Variants in CIRSR observed in about 807,000 individuals in gnomAD.
CIRSR encodes corepressor of RBPJ and splicing regulator, also known as CBF1 (RBPJ) interacting corepressor 1.
the CIRSR span, among the ~76,000 whole-genome samples, chr2:174,369,544 T>C: frequency 6.6e-6 from 1 of 152,252 alleles, no homozygotes; most frequent in South Asian, 2.1e-4. Context: ...TTTCTACCTA[T>C]CTCGGCTTTC....
chr2:174,349,160 T>G, the CIRSR span: 3 of 1,447,692 alleles, frequency 2.1e-6, no homozygotes, highest in Non-Finnish European at 2.7e-6. Flanking sequence ...TCTTCTCCAG[T>G]CGATCTAATT....
chr2:174,386,628 GT>G, the CIRSR span, among the ~76,000 whole-genome samples: 1 of 152,166 alleles, frequency 6.6e-6, no homozygotes, highest in Non-Finnish European at 1.5e-5. Flanking sequence ...GTCCGCAGTT[GT>G]GACAATCAAA....
chr2:174,384,633 C>T, the CIRSR span, among the ~76,000 whole-genome samples: 1 of 151,480 alleles, frequency 6.6e-6, no homozygotes, highest in Non-Finnish European at 1.5e-5. Flanking sequence ...CTATGTTGCC[C>T]ATGCTGGTCT....
chr2:174,374,765 C>T, the CIRSR span, among the ~76,000 whole-genome samples: 1 of 152,178 alleles, frequency 6.6e-6, no homozygotes, highest in Admixed American at 6.5e-5. Context: ...TTCCTCTATA[C>T]GAAAGGTTAT....
chr2:174,395,627 G>T, the CIRSR span: 142,970 of 1,613,996 alleles, frequency 0.089, 8,807 homozygotes, highest in Admixed American at 0.3. Context: ...CCCCATCTTG[G>T]AACTGGAACT....
chr2:174,372,593 T>G, the CIRSR span, among the ~76,000 whole-genome samples: 1 of 152,076 alleles, frequency 6.6e-6, no homozygotes, highest in African/African-American at 2.4e-5. Flanking sequence ...GATATCTAGG[T>G]GTTCTTTCTC....
chr2:174,355,569 A>G, the CIRSR span, among the ~76,000 whole-genome samples: 906 of 152,330 alleles, frequency 5.9e-3, 9 homozygotes, highest in Non-Finnish European at 9.2e-3. Context: ...CCAATTGTGT[A>G]CAGTTCCATG....
chr2:174,385,215 CAA>C, the CIRSR span, among the ~76,000 whole-genome samples: 193 of 94,104 alleles, frequency 2.1e-3, no homozygotes, highest in Middle Eastern at 6.4e-3. Flanking sequence ...ACCTTCCTCT[CAA>C]AAAAAAAAAA....
the CIRSR span, among the ~76,000 whole-genome samples, chr2:174,375,069 G>A: frequency 6.6e-6 from 1 of 152,164 alleles, no homozygotes; most frequent in Non-Finnish European, 1.5e-5. Context: ...CACAGAAAAA[G>A]TGCTCCATAA....
chr2:174,392,230 C>T, the CIRSR span, among the ~76,000 whole-genome samples: 1 of 152,244 alleles, frequency 6.6e-6, no homozygotes, highest in Non-Finnish European at 1.5e-5. Flanking sequence ...TTCCTGACCT[C>T]GGGTGATCCA....
the CIRSR span, among the ~76,000 whole-genome samples, chr2:174,368,245 C>T: frequency 1.3e-5 from 2 of 151,078 alleles, no homozygotes; most frequent in African/African-American, 4.8e-5. Context: ...TAATAGAATA[C>T]TTCCTCTAAC....
At chr2:174,355,217 C>T in the CIRSR span, among the ~76,000 whole-genome samples, 10 of 152,060 alleles carry the variant, frequency 6.6e-5, no homozygotes, top group African/African-American at 1.7e-4. Flanking sequence ...ATTACAGATA[C>T]GTTGATAAAA....
At chr2:174,376,513 G>A in the CIRSR span, among the ~76,000 whole-genome samples, 4 of 152,036 alleles carry the variant, frequency 2.6e-5, no homozygotes, top group Non-Finnish European at 5.9e-5. Flanking sequence ...TGGAGGGCTG[G>A]AGGGCCGGGC....
At chr2:174,383,147 AG>A in the CIRSR span, among the ~76,000 whole-genome samples, 1 of 152,230 alleles carries the variant, frequency 6.6e-6, no homozygotes, top group East Asian at 1.9e-4. Flanking sequence ...CAGTCACAAA[AG>A]ACCACATGAC....
At chr2:174,371,531 G>A in the CIRSR span, among the ~76,000 whole-genome samples, 1 of 152,120 alleles carries the variant, frequency 6.6e-6, no homozygotes, top group Non-Finnish European at 1.5e-5. Flanking sequence ...ATATAATTTT[G>A]ATTATCTGGA....
At chr2:174,369,893 T>C in the CIRSR span, 4 of 1,263,952 alleles carry the variant, frequency 3.2e-6, no homozygotes, top group Middle Eastern at 2.2e-4. Context: ...AAGTTTGAAT[T>C]ATTGCAATAA....
the CIRSR span, chr2:174,348,893 A>G: frequency 6.2e-7 from 1 of 1,614,178 alleles, no homozygotes; most frequent in Non-Finnish European, 8.5e-7. Flanking sequence ...AAAGTTCTTC[A>G]TGAAGCTTTC....
At chr2:174,388,854 G>A in the CIRSR span, among the ~76,000 whole-genome samples, 1 of 152,132 alleles carries the variant, frequency 6.6e-6, no homozygotes, top group African/African-American at 2.4e-5. Context: ...AATCATGGGG[G>A]CGGTTACACT....
the CIRSR span, among the ~76,000 whole-genome samples, chr2:174,388,321 C>T: frequency 2.0e-5 from 3 of 152,176 alleles, no homozygotes; most frequent in African/African-American, 7.2e-5. Context: ...GCCTCAGCCT[C>T]CGGAGTAGCT....
Sources: allele counts gnomAD v4.1 joint callset (sites outside exome capture counted in the v4.1 genomes callset), GRCh38; gene constraint gnomAD v4.1.1; transcripts MANE v1.5; gene names NCBI Gene and HGNC (gene_info 2026-07-23, HGNC 2026-07-21).